PARD3: variants seen among roughly 807,000 people sequenced by gnomAD.
The protein encoded by PARD3 is par-3 family cell polarity regulator, also known as partitioning defective 3 homolog.
PARD3 carries 75 observed loss-of-function variants against 155.4 expected under a neutral mutation model. The ratio of observed to expected loss-of-function variants is 0.48; its 90% CI spans 0.40 to 0.58. PARD3 has a LOEUF of 0.58. Among genes scored for constraint, PARD3 ranks in the 20% least tolerant of loss-of-function variants. The pLI is 0.00. For missense variants in PARD3, 1,642 were observed against 1,721.7 expected (o/e 0.95, Z 0.82); for synonymous variants, 576 against 610.5 (o/e 0.94, Z 0.83).
chr10:34,574,690 G>A (rs569553352), intron 2 of PARD3, among the ~76,000 whole-genome samples: 3 of 152,170 alleles, frequency 2.0e-5, no homozygotes, highest in East Asian at 1.9e-4. Flanking sequence ...AAGTATTTAC[G>A]GCAGTGTTCC....
intron 1 of PARD3, among the ~76,000 whole-genome samples, chr10:34,758,559 ACGT>A (rs1837034135): frequency 6.6e-6 from 1 of 152,034 alleles, no homozygotes; most frequent in African/African-American, 2.4e-5. Flanking sequence ...TCCTCTTATC[ACGT>A]CACACTGTCT....
At chr10:34,708,609 G>A (rs777554208) in intron 1 of PARD3, among the ~76,000 whole-genome samples, 8 of 152,080 alleles carry the variant, frequency 5.3e-5, no homozygotes, top group Admixed American at 6.5e-5. Flanking sequence ...GAAAAACAAC[G>A]TAGCAAATGT....
intron 22 of PARD3, among the ~76,000 whole-genome samples, chr10:34,164,396 C>A (rs1324890110): frequency 6.6e-6 from 1 of 152,118 alleles, no homozygotes; most frequent in Non-Finnish European, 1.5e-5. Context: ...AGGAATTAAT[C>A]AAAAATGGCA....
chr10:34,629,433 A>C (rs781481398), intron 2 of PARD3, among the ~76,000 whole-genome samples: 7 of 152,224 alleles, frequency 4.6e-5, no homozygotes, highest in Admixed American at 6.5e-5. Flanking sequence ...CTCAATCTAC[A>C]CGTGTATGTG....
intron 1 of PARD3, among the ~76,000 whole-genome samples, chr10:34,812,938 C>A (rs1191079979): frequency 6.6e-6 from 1 of 152,214 alleles, no homozygotes; most frequent in Non-Finnish European, 1.5e-5. Context: ...GCCCTGCACT[C>A]TAGCCACCCA....
chr10:34,786,860 T>C (rs547774068), intron 1 of PARD3, among the ~76,000 whole-genome samples: 15 of 152,280 alleles, frequency 9.9e-5, no homozygotes, highest in East Asian at 1.9e-4. Flanking sequence ...AGGCCAAAAA[T>C]GGCATGCAGA....
intron 2 of PARD3, among the ~76,000 whole-genome samples, chr10:34,624,235 A>C (rs2132742063): frequency 6.6e-6 from 1 of 152,330 alleles, no homozygotes; most frequent in South Asian, 2.1e-4. Flanking sequence ...GTGTGTAACA[A>C]GTTAAACGGC....
chr10:34,383,067 AATCAAGTTTGCAGCTCTG>A (rs1254666617), intron 8 of PARD3, 145 bp from the exon 9 acceptor site: 9 of 784,790 alleles, frequency 1.1e-5, no homozygotes, highest in Middle Eastern at 2.9e-4. Context: ...CCCATTTATC[AATCAAGTTTGCAGCTCTG>A]ATCTATCAAT....
chr10:34,334,346 C>CAAAAAA (rs34205005), intron 18 of PARD3, among the ~76,000 whole-genome samples: 5 of 95,078 alleles, frequency 5.3e-5, no homozygotes, highest in Admixed American at 1.1e-4. Context: ...TCCCTCTTGC[C>CAAAAAA]AAAAAAAAAA....
At chr10:34,527,643 G>A (rs1237076653) in intron 2 of PARD3, among the ~76,000 whole-genome samples, 1 of 152,146 alleles carries the variant, frequency 6.6e-6, no homozygotes, top group East Asian at 1.9e-4. Flanking sequence ...GAAAGTCCAG[G>A]TGAAAATGAC....
At chr10:34,507,152 C>A (rs982422262) in intron 3 of PARD3, among the ~76,000 whole-genome samples, 8 of 152,164 alleles carry the variant, frequency 5.3e-5, no homozygotes, top group African/African-American at 1.9e-4. Context: ...AATGCCAATA[C>A]AGCTCCCAGT....
chr10:34,597,588 C>T (rs1405589072), intron 2 of PARD3, among the ~76,000 whole-genome samples: 1 of 152,134 alleles, frequency 6.6e-6, no homozygotes, highest in Non-Finnish European at 1.5e-5. Context: ...GCCACCACAT[C>T]CAGCCAATAT....
At chr10:34,236,181 A>C (rs1953220948) in intron 22 of PARD3, among the ~76,000 whole-genome samples, 1 of 152,186 alleles carries the variant, frequency 6.6e-6, no homozygotes, top group Admixed American at 6.5e-5. Flanking sequence ...GAGAGAGAGC[A>C]CTTACTGGAG....
chr10:34,341,586 G>A (rs1836837937), intron 16 of PARD3, 41 bp downstream of exon 16: 3 of 1,524,190 alleles, frequency 2.0e-6, no homozygotes, highest in Admixed American at 1.9e-5. Flanking sequence ...AAATGGGACT[G>A]TAATTAATTC....
At chr10:34,136,771 C>A (rs1375974541) in intron 22 of PARD3, among the ~76,000 whole-genome samples, 2 of 152,132 alleles carry the variant, frequency 1.3e-5, no homozygotes, top group Non-Finnish European at 2.9e-5. Context: ...GACATCAATC[C>A]ACTTCCTTGC....
At chr10:34,541,661 C>T (rs766517495) in intron 2 of PARD3, among the ~76,000 whole-genome samples, 4 of 152,184 alleles carry the variant, frequency 2.6e-5, no homozygotes, top group Non-Finnish European at 5.9e-5. Context: ...TAAACTGCAG[C>T]TAATTTTTAA....
intron 2 of PARD3, among the ~76,000 whole-genome samples, chr10:34,519,872 T>C (rs113494624): frequency 7.4e-4 from 108 of 146,438 alleles, no homozygotes; most frequent in African/African-American, 2.5e-3. Context: ...TAACATAACA[T>C]AACATAACAT....
rs370431226 is a variant in PARD3, at chr10:34,587,964, A to C, written c.223-70805T>G. On this transcript the variant is annotated intron_variant, in intron 2 of 24. Coordinates refer to ENST00000374788, the MANE Select transcript of PARD3 (RefSeq NM_001184785.2). Reference sequence around the variant, plus strand: ...CTGCGGTGACCAGTTCAAAATTCTGAATCACTTTTAAACAATAGACTCGCA... The same window carrying C: ...CTGCGGTGACCAGTTCAAAATTCTGCATCACTTTTAAACAATAGACTCGCA... 2.6e-4 allele frequency among the ~76,000 whole-genome samples: 40 copies of C among 152,282 alleles called. No individual in the cohort carries two copies. In the South Asian group the frequency reaches 8.1e-3, roughly 31 times the overall value.
chr10:34,469,405 A>T (rs533207894), intron 4 of PARD3, among the ~76,000 whole-genome samples: 1 of 152,334 alleles, frequency 6.6e-6, no homozygotes, highest in East Asian at 1.9e-4. Flanking sequence ...CACCACGCCC[A>T]GCCAACAAAT....
Sources: allele counts gnomAD v4.1 joint callset (sites outside exome capture counted in the v4.1 genomes callset), GRCh38; gene constraint gnomAD v4.1.1; transcripts MANE v1.5; gene names NCBI Gene and HGNC (gene_info 2026-07-23, HGNC 2026-07-21).